The following LMF1 variants were observed in gnomAD, a reference collection of about 807,000 sequenced individuals.
LMF1 encodes the protein transmembrane protein 112.
Under a neutral mutation model 60.6 loss-of-function variants are expected in LMF1, and 68 were observed. The observed-to-expected ratio is 1.12, with a 90% CI of 0.92 to 1.37. The LOEUF (loss-of-function observed/expected upper bound fraction) is 1.37, where lower values mean the gene tolerates loss of function less well. Ranked by LOEUF, LMF1 falls within the 40% of genes most tolerant of loss-of-function variation. LMF1 has a pLI of 0.00. For synonymous variants in LMF1, 418 were observed against 324.7 expected, an observed-to-expected ratio of 1.29 and a Z score of -3.09; for missense variants, 948 against 767.2, an observed-to-expected ratio of 1.24 and a Z score of -2.78.
intron 2 of LMF1, chr16:947,621 T>G: frequency 2.2e-6 from 1 of 455,910 alleles, no homozygotes. Flanking sequence ...CTGACTTTGG[T>G]CCAAGTTTCT....
At chr16:888,950 G>A (rs1036149837) in intron 5 of LMF1, among the ~76,000 whole-genome samples, 1 of 152,210 alleles carries the variant, frequency 6.6e-6, no homozygotes, top group East Asian at 1.9e-4. Flanking sequence ...GCTGGCCCTG[G>A]GATCCTGGGG....
At position 932,793 on chromosome 16, in the gene LMF1, T is replaced by C. The variant is rs370616844; in HGVS notation, c.514+1451A>G. Among the ~76,000 whole-genome samples the C allele has an allele frequency of 4.6e-5, 7 of 152,348 alleles. 1 individual carries two copies. In the East Asian group the frequency reaches 7.7e-4, roughly 17 times the overall value. ...CTAAATGTTGAAGAATGTAGTTTTC[T>C]CTGTGGGCATTTTGATACTGAATGT... On this transcript the variant is annotated intron_variant, in intron 3 of 10. Transcript: ENST00000262301.
At chr16:883,818 A>T (rs1162034269) in intron 5 of LMF1, 1 of 152,252 alleles carries the variant, frequency 6.6e-6, no homozygotes, top group Non-Finnish European at 1.5e-5. Flanking sequence ...ACAATATGAC[A>T]CTATTGATCA....
At chr16:947,406 GTCC>G (rs761860280) in intron 2 of LMF1, 15 of 447,244 alleles carry the variant, frequency 3.4e-5, no homozygotes, top group South Asian at 2.4e-4. Flanking sequence ...TTACATTGAA[GTCC>G]TGGAGCCCAA....
At chr16:906,769 T>C (rs1262209144) in intron 4 of LMF1, among the ~76,000 whole-genome samples, 2 of 152,206 alleles carry the variant, frequency 1.3e-5, no homozygotes, top group Non-Finnish European at 2.9e-5. Flanking sequence ...TTCTTCAAAA[T>C]TGTTTTGGCT....
intron 5 of LMF1, among the ~76,000 whole-genome samples, chr16:888,698 C>T (rs531187350): frequency 1.3e-3 from 205 of 151,876 alleles, no homozygotes; most frequent in Middle Eastern, 6.8e-3. Flanking sequence ...GGTCGACAGA[C>T]GGAGCAGTGG....
At chr16:875,312 C>T (rs1055458530) in intron 6 of LMF1, among the ~76,000 whole-genome samples, 13 of 152,172 alleles carry the variant, frequency 8.5e-5, no homozygotes, top group Non-Finnish European at 1.6e-4. Flanking sequence ...AACCCGCAGC[C>T]TGGCCGTCAT....
intron 3 of LMF1, among the ~76,000 whole-genome samples, chr16:912,235 C>T (rs1051727930): frequency 5.9e-5 from 9 of 152,052 alleles, no homozygotes; most frequent in Non-Finnish European, 1.3e-4. Context: ...CTCGCAGGGG[C>T]AGCATCTACA....
At chr16:906,772 T>C (rs949491582) in intron 4 of LMF1, among the ~76,000 whole-genome samples, 15 of 152,238 alleles carry the variant, frequency 9.9e-5, no homozygotes, top group African/African-American at 3.4e-4. Context: ...TTCAAAATTG[T>C]TTTGGCTATG....
chr16:879,407 C>T (rs1215832556), intron 6 of LMF1, among the ~76,000 whole-genome samples, 163 bp downstream of exon 6: 2 of 152,142 alleles, frequency 1.3e-5, no homozygotes, highest in Non-Finnish European at 2.9e-5. Context: ...GACAGGGCTG[C>T]AGTGGGGCCC....
chr16:872,151 CAG>C (rs753948053), intron 6 of LMF1: 15 of 152,320 alleles, frequency 9.8e-5, no homozygotes, highest in East Asian at 3.9e-4. Flanking sequence ...ATCAGGGAGA[CAG>C]GGGCAGCTTG....
chr16:899,867 G>A (rs1165913670), intron 4 of LMF1: 1 of 152,286 alleles, frequency 6.6e-6, no homozygotes, highest in Non-Finnish European at 1.5e-5. Flanking sequence ...GAGGCTTGGG[G>A]TGGCAGCACA....
chr16:922,968 G>C (rs1254596194), intron 3 of LMF1, among the ~76,000 whole-genome samples: 44 of 108,440 alleles, frequency 4.1e-4, no homozygotes, highest in Non-Finnish European at 5.6e-4. Context: ...AAGGCCCTGT[G>C]TGAAGGTCGC....
intron 3 of LMF1, among the ~76,000 whole-genome samples, chr16:914,208 T>C (rs1483566606): frequency 6.6e-6 from 1 of 151,938 alleles, no homozygotes; most frequent in Non-Finnish European, 1.5e-5. Flanking sequence ...CACTGCAACC[T>C]GGGCAGTCCC....
intron 3 of LMF1, among the ~76,000 whole-genome samples, chr16:926,844 CCTCT>C (rs776269760): frequency 2.6e-5 from 4 of 152,176 alleles, no homozygotes; most frequent in Non-Finnish European, 4.4e-5. Context: ...TGCCACCTCT[CCTCT>C]CTGTGAGTCC....
rs375539037 is a variant in LMF1 at position 918,996 on chromosome 16, C to T, written c.515-7917G>A. ...GAGCTCTCGGCACCTGCTCCTCCCA[C>T]GGGGCCTCCTGGGCTGGAGCCCGCA... On this transcript the variant is annotated intron_variant, in intron 3 of 10. Coordinates refer to ENST00000262301, the MANE Select transcript of LMF1 (RefSeq NM_022773.4). 3.3e-5 allele frequency among the ~76,000 whole-genome samples: 5 copies of T among 152,278 alleles called. No homozygotes were observed. The East Asian group carries it at 7.8e-4, about 24-fold the overall frequency.
chr16:918,296 C>G (rs935081817), intron 3 of LMF1, among the ~76,000 whole-genome samples: 1 of 152,208 alleles, frequency 6.6e-6, no homozygotes, highest in Admixed American at 6.5e-5. Flanking sequence ...GTTGCCGTGA[C>G]AACCAGACTT....
chr16:901,597 A>G (rs2070813401), intron 4 of LMF1: 1 of 152,288 alleles, frequency 6.6e-6, no homozygotes, highest in Admixed American at 6.5e-5. Context: ...TCACTTTGAC[A>G]CGACTGAAAT....
chr16:921,891 A>T (rs777823079), intron 3 of LMF1, among the ~76,000 whole-genome samples: 6 of 152,204 alleles, frequency 3.9e-5, no homozygotes, highest in Non-Finnish European at 8.8e-5. Context: ...AAAAAGATTG[A>T]CTACATAGAA....
Sources: allele counts gnomAD v4.1 joint callset (sites outside exome capture counted in the v4.1 genomes callset), GRCh38; gene constraint gnomAD v4.1.1; transcripts MANE v1.5; gene names NCBI Gene and HGNC (gene_info 2026-07-23, HGNC 2026-07-21).